Variants in ROBO2 observed in about 807,000 individuals in gnomAD.
ROBO2 encodes the protein roundabout guidance receptor 2, also known as roundabout homolog 2.
Under a neutral mutation model 160.8 loss-of-function variants are expected in ROBO2, and 53 were observed. The observed-to-expected ratio is 0.33, with a 90% CI of 0.26 to 0.41. ROBO2 has a LOEUF of 0.41. Ranked by LOEUF, ROBO2 falls within the 10% of genes least tolerant of loss-of-function variation. The pLI is 1.00. For missense variants in ROBO2, 1,577 were observed against 1,722.4 expected (o/e 0.92, Z 1.49); for synonymous variants, 664 against 611.7 (o/e 1.09, Z -1.26).
chr3:76,547,981 T>G (rs2083204092), intron 2 of ROBO2, among the ~76,000 whole-genome samples: 8 of 152,170 alleles, frequency 5.3e-5, no homozygotes. Flanking sequence ...TTTAATGTCA[T>G]GTGAAACAAG....
At chr3:77,489,675 A>G (rs1326091093) in intron 4 of ROBO2, among the ~76,000 whole-genome samples, 1 of 152,228 alleles carries the variant, frequency 6.6e-6, no homozygotes, top group Non-Finnish European at 1.5e-5. Context: ...TGTTAAGGAA[A>G]GCATACACAA....
chr3:77,316,616 G>T, intron 2 of ROBO2: 1 of 566,848 alleles, frequency 1.8e-6, no homozygotes, highest in South Asian at 1.9e-5. Context: ...TCTTAAAGCA[G>T]AATCATCTTT....
At chr3:76,868,820 G>C (rs913746351) in intron 2 of ROBO2, among the ~76,000 whole-genome samples, 2 of 149,228 alleles carry the variant, frequency 1.3e-5, no homozygotes, top group African/African-American at 4.9e-5. Context: ...AACACGTATT[G>C]TGCTAATGTG....
At chr3:77,508,316 T>G (rs1233697674) in intron 5 of ROBO2, among the ~76,000 whole-genome samples, 2 of 148,100 alleles carry the variant, frequency 1.4e-5, no homozygotes, top group Non-Finnish European at 3.0e-5. Flanking sequence ...TAGTAAAATC[T>G]TGAACGTTTT....
chr3:76,063,600 C>A lies in ROBO2; in HGVS notation c.109+125998C>A, dbSNP rs1273422098. 2.0e-5 allele frequency among the ~76,000 whole-genome samples: 3 copies of A among 151,978 alleles called. No homozygotes were observed. In the East Asian group the frequency reaches 5.8e-4, roughly 29 times the overall value. On this transcript the variant is annotated intron_variant, in intron 2 of 26. Transcript: ENST00000487694. The stretch of plus-strand genomic sequence containing the variant: ...GCCTCAAGCTATCCTCCCATTTCGA[C>A]CTCCCAAAGTGCTGGGATTACAGGC...
chr3:77,407,496 T>A (rs566159021), intron 2 of ROBO2, among the ~76,000 whole-genome samples: 1 of 152,302 alleles, frequency 6.6e-6, no homozygotes, highest in Non-Finnish European at 1.5e-5. Context: ...CATCATTTGA[T>A]CTTTTGGAGG....
intron 2 of ROBO2, among the ~76,000 whole-genome samples, chr3:76,187,347 T>C (rs2107151412): frequency 6.6e-6 from 1 of 152,250 alleles, no homozygotes; most frequent in South Asian, 2.1e-4. Context: ...TGAACATGGC[T>C]TATCACAGTC....
At chr3:76,030,998 A>G (rs1166238835) in intron 2 of ROBO2, among the ~76,000 whole-genome samples, 3 of 152,176 alleles carry the variant, frequency 2.0e-5, no homozygotes, top group Non-Finnish European at 4.4e-5. Context: ...CCTATTCGTG[A>G]GCATGGAATG....
intron 5 of ROBO2, among the ~76,000 whole-genome samples, chr3:77,519,644 T>G (rs2090386467): frequency 6.6e-6 from 1 of 151,588 alleles, no homozygotes; most frequent in Admixed American, 6.6e-5. Flanking sequence ...TTCCATGGTA[T>G]ATATGCATCA....
intron 2 of ROBO2, among the ~76,000 whole-genome samples, chr3:76,336,602 A>G (rs2073905676): frequency 6.6e-6 from 1 of 152,246 alleles, no homozygotes; most frequent in African/African-American, 2.4e-5. Flanking sequence ...TATGCTTTCA[A>G]ATATTCACTA....
intron 2 of ROBO2, among the ~76,000 whole-genome samples, chr3:77,166,440 C>T (rs368876094): frequency 2.0e-5 from 3 of 152,106 alleles, no homozygotes; most frequent in South Asian, 2.1e-4. Context: ...AGATTTAATT[C>T]GGGATTATGC....
chr3:76,732,773 G>A (rs977009100), intron 2 of ROBO2, among the ~76,000 whole-genome samples: 6 of 152,258 alleles, frequency 3.9e-5, no homozygotes, highest in Admixed American at 3.3e-4. Context: ...ATTGGTGAAG[G>A]ACTGGCAACA....
chr3:76,113,159 AAAC>A (rs1369534967), intron 2 of ROBO2, among the ~76,000 whole-genome samples: 2 of 152,136 alleles, frequency 1.3e-5, no homozygotes, highest in Non-Finnish European at 2.9e-5. Flanking sequence ...CTTGATACAA[AAAC>A]AACGTTAATC....
At chr3:77,587,106 GA>G (rs1436598443) in intron 16 of ROBO2, among the ~76,000 whole-genome samples, 1 of 152,028 alleles carries the variant, frequency 6.6e-6, no homozygotes, top group Non-Finnish European at 1.5e-5. Flanking sequence ...AGCAGAATGG[GA>G]AATGGAGTTT....
intron 2 of ROBO2, among the ~76,000 whole-genome samples, chr3:77,289,133 G>A (rs535517142): frequency 1.3e-5 from 2 of 152,250 alleles, no homozygotes; most frequent in African/African-American, 4.8e-5. Flanking sequence ...GAAGTTGGTT[G>A]AAGTTTATTT....
intron 6 of ROBO2, among the ~76,000 whole-genome samples, chr3:77,536,210 T>C (rs934325230): frequency 3.3e-5 from 5 of 152,148 alleles, no homozygotes; most frequent in Non-Finnish European, 7.3e-5. Context: ...CACACCCATC[T>C]AGACTGCCAC....
intron 2 of ROBO2, among the ~76,000 whole-genome samples, chr3:77,220,302 G>A (rs1215115746): frequency 6.6e-5 from 10 of 152,028 alleles, no homozygotes; most frequent in South Asian, 2.1e-4. Context: ...GAGCCACTGC[G>A]CCTGGCCGAG....
At chr3:77,184,396 T>A (rs1010136574) in intron 2 of ROBO2, among the ~76,000 whole-genome samples, 2 of 152,068 alleles carry the variant, frequency 1.3e-5, no homozygotes, top group Admixed American at 6.6e-5. Flanking sequence ...CTTTACATTA[T>A]GATAAAGGGA....
intron 17 of ROBO2, among the ~76,000 whole-genome samples, chr3:77,590,014 G>A (rs200360775): frequency 6.6e-6 from 1 of 152,204 alleles, no homozygotes; most frequent in Non-Finnish European, 1.5e-5. Flanking sequence ...GCTGTGGCTT[G>A]TAGGCTCCTA....
Sources: allele counts gnomAD v4.1 joint callset (sites outside exome capture counted in the v4.1 genomes callset), GRCh38; gene constraint gnomAD v4.1.1; transcripts MANE v1.5; gene names NCBI Gene and HGNC (gene_info 2026-07-23, HGNC 2026-07-21).